Variants in GARRE1 observed in about 807,000 individuals in gnomAD.
GARRE1 encodes granule associated Rac and RHOG effector protein 1.
GARRE1 carries 49 observed loss-of-function variants against 103.2 expected under a neutral mutation model. The ratio of observed to expected loss-of-function variants is 0.47; its 90% CI spans 0.38 to 0.60. The LOEUF (loss-of-function observed/expected upper bound fraction) is 0.60. Ranked by LOEUF, GARRE1 falls within the 20% of genes least tolerant of loss-of-function variation. GARRE1 has a pLI of 0.00. For synonymous variants in GARRE1, 505 were observed against 532.8 expected (o/e 0.95, Z 0.72); for missense variants, 1,199 against 1,370.5 (o/e 0.87, Z 1.98).
chr19:34,318,774 G>T (rs552529524), intron 2 of GARRE1, among the ~76,000 whole-genome samples: 1 of 152,166 alleles, frequency 6.6e-6, no homozygotes, highest in Non-Finnish European at 1.5e-5. Context: ...GGGCATGGGA[G>T]CTCATGCCTG....
intron 10 of GARRE1, among the ~76,000 whole-genome samples, chr19:34,343,323 G>A (rs181506360): frequency 1.3e-5 from 2 of 151,974 alleles, no homozygotes; most frequent in Non-Finnish European, 2.9e-5. Context: ...TGGGTGTGGT[G>A]GTGCTTAGGA....
intron 3 of GARRE1, among the ~76,000 whole-genome samples, chr19:34,327,182 A>C (rs1415091364): frequency 6.9e-6 from 1 of 145,186 alleles, no homozygotes; most frequent in Non-Finnish European, 1.5e-5. Context: ...AATAAAATAA[A>C]ATAATAAAAT....
chr19:34,315,194 G>C (rs2074054418), intron 2 of GARRE1, among the ~76,000 whole-genome samples: 1 of 152,192 alleles, frequency 6.6e-6, no homozygotes, highest in Non-Finnish European at 1.5e-5. Flanking sequence ...AAGTTGAGCA[G>C]AACAATGAAC....
At chr19:34,265,320 G>A (rs1402342757) in intron 1 of GARRE1, among the ~76,000 whole-genome samples, 2 of 152,218 alleles carry the variant, frequency 1.3e-5, no homozygotes, top group African/African-American at 4.8e-5. Flanking sequence ...TAGGCAGGAA[G>A]AGGCGGAAGT....
intron 1 of GARRE1, among the ~76,000 whole-genome samples, chr19:34,256,337 C>G (rs1389591243): frequency 6.6e-6 from 1 of 151,084 alleles, no homozygotes; most frequent in Non-Finnish European, 1.5e-5. Flanking sequence ...CGTGGTGAAA[C>G]CCGGATTCAA....
rs1362020713 is a variant in GARRE1 at position 34,347,968 on chromosome 19, C to T, written c.2613C>T (p.Gly871=). The change falls in exon 11 of 14, where the codon GGC becomes GGT. Residue 871 remains glycine, a synonymous_variant. Transcript: ENST00000299505. ...AGGCCCAGCACGGTCGCCGGCCAGG[C>T]AACCCCCGGGGCAACTGGCCGCCTA... ...KRQAQHGRRP[G]NPRGNWPPMD... 3.8e-6 allele frequency: 6 copies of T among 1,587,156 alleles called. No homozygotes were observed. Among genetic ancestry groups the T allele is most frequent in the Non-Finnish European group, 5.1e-6 (6 of 1,165,522 alleles).
In GARRE1 at chr19:34,288,318, C is replaced by G. The variant is rs1044798661; in HGVS notation, c.-795-11361C>G. On this transcript the variant is annotated intron_variant, in intron 1 of 13. Transcript: ENST00000299505. Reference sequence around the variant, plus strand: ...AGTGTGTTTGACTAAAGTTTCCTTTCCTCAATTTCTCAAAGGAAACTGTGA... The same window carrying G: ...AGTGTGTTTGACTAAAGTTTCCTTTGCTCAATTTCTCAAAGGAAACTGTGA... Among the ~76,000 whole-genome samples, 37 of 152,180 alleles carry G rather than the reference C, an allele frequency of 2.4e-4. 1 individual carries two copies. The highest frequency in any genetic ancestry group is 8.9e-4 in the African/African-American group (37 of 41,442).
At chr19:34,343,609 G>A (rs1439066316) in intron 10 of GARRE1, among the ~76,000 whole-genome samples, 1 of 152,164 alleles carries the variant, frequency 6.6e-6, no homozygotes, top group East Asian at 1.9e-4. Flanking sequence ...CACTTTGGAA[G>A]GCTGAGGTAG....
At chr19:34,290,573 C>T (rs1213878040) in intron 1 of GARRE1, among the ~76,000 whole-genome samples, 1 of 152,032 alleles carries the variant, frequency 6.6e-6, no homozygotes, top group East Asian at 1.9e-4. Flanking sequence ...TTACAGATCA[C>T]TGTAACCTCA....
At chr19:34,350,900 T>C (rs1183945116) in intron 12 of GARRE1, among the ~76,000 whole-genome samples, 1 of 151,660 alleles carries the variant, frequency 6.6e-6, no homozygotes, top group African/African-American at 2.4e-5. Context: ...ATCTCTTAAA[T>C]AAATTAACAA....
At chr19:34,301,548 T>C (rs1426594777) in intron 2 of GARRE1, among the ~76,000 whole-genome samples, 12 of 150,006 alleles carry the variant, frequency 8.0e-5, no homozygotes. Flanking sequence ...AGAAAAATTA[T>C]TAAACAAACC....
chr19:34,274,511 G>A (rs1047507214), intron 1 of GARRE1, among the ~76,000 whole-genome samples: 1 of 152,236 alleles, frequency 6.6e-6, no homozygotes, highest in African/African-American at 2.4e-5. Flanking sequence ...AGATGGTGAT[G>A]TCATTTGCCA....
intron 1 of GARRE1, among the ~76,000 whole-genome samples, chr19:34,268,355 C>T (rs1437689087): frequency 2.0e-5 from 3 of 152,076 alleles, no homozygotes; most frequent in East Asian, 1.9e-4. Context: ...CTTTCCTTGG[C>T]GGGGATTTGC....
At chr19:34,271,253 T>C (rs989442933) in intron 1 of GARRE1, among the ~76,000 whole-genome samples, 2 of 148,282 alleles carry the variant, frequency 1.3e-5, no homozygotes, top group African/African-American at 5.0e-5. Context: ...TTCTTTTTTT[T>C]TTTTTTTTTT....
At chr19:34,280,416 G>A (rs2073844552) in intron 1 of GARRE1, among the ~76,000 whole-genome samples, 1 of 152,134 alleles carries the variant, frequency 6.6e-6, no homozygotes, top group Non-Finnish European at 1.5e-5. Context: ...TTTAAAAATT[G>A]GATTTTTGTG....
intron 1 of GARRE1, among the ~76,000 whole-genome samples, chr19:34,278,079 G>A (rs1568526748): frequency 6.6e-6 from 1 of 151,840 alleles, no homozygotes; most frequent in Non-Finnish European, 1.5e-5. Flanking sequence ...ACATTTCAGT[G>A]GCATAAGTAC....
chr19:34,309,483 T>C (rs2074027061), intron 2 of GARRE1, among the ~76,000 whole-genome samples: 1 of 152,152 alleles, frequency 6.6e-6, no homozygotes, highest in South Asian at 2.1e-4. Flanking sequence ...TGGCAAAATG[T>C]TAATGGAATT....
In GARRE1 at chr19:34,328,102, A is replaced by C; in HGVS notation, c.1055A>C (p.Lys352Thr). 6.2e-7 allele frequency: 1 copy of C among 1,614,164 alleles called. No individual in the cohort carries two copies. The highest frequency in any genetic ancestry group is 1.1e-5 in the South Asian group (1 of 91,076). Residue 352 changes from lysine to threonine, a missense_variant, in exon 6 of 14, where the codon AAG (lysine) becomes ACG (threonine). Coordinates refer to ENST00000299505, the MANE Select transcript of GARRE1 (RefSeq NM_014686.5). ...GTGCAGATAGGATCGCACTTCCTGA[A>C]GGGCGTCTCCTTTAATGAGTCGGCC... The part of the protein sequence containing the change: ...VPVQIGSHFL[K>T]GVSFNESAAD...
chr19:34,349,879 T>TG (rs1396183607), intron 12 of GARRE1, among the ~76,000 whole-genome samples: 2 of 149,616 alleles, frequency 1.3e-5, no homozygotes, highest in Non-Finnish European at 3.0e-5. Flanking sequence ...AGTAGTGGGG[T>TG]GGGGGGTGGC....
Sources: allele counts gnomAD v4.1 joint callset (sites outside exome capture counted in the v4.1 genomes callset), GRCh38; gene constraint gnomAD v4.1.1; transcripts MANE v1.5; gene names NCBI Gene and HGNC (gene_info 2026-07-23, HGNC 2026-07-21).